The following CDS2 variants were observed in gnomAD, a reference collection of about 807,000 sequenced individuals.
CDS2 encodes the protein phosphatidate cytidylyltransferase 2.
In CDS2, 47 loss-of-function variants were observed where a neutral mutation model predicts 59.0. The observed-to-expected ratio is 0.80, with a 90% CI of 0.63 to 1.02. CDS2 has a LOEUF of 1.02. Ranked by LOEUF, CDS2 falls within the 50% of genes least tolerant of loss-of-function variation. The probability of loss-of-function intolerance (pLI) is 0.00; values close to 1 mark genes in which losing one functional copy is unlikely to be tolerated. For synonymous variants in CDS2, 207 were observed against 206.4 expected, an observed-to-expected ratio of 1.00 and a Z score of -0.02; for missense variants, 356 against 558.9, an observed-to-expected ratio of 0.64 and a Z score of 3.66.
At chr20:5,142,754 T>A (rs569574479) in intron 1 of CDS2, among the ~76,000 whole-genome samples, 9 of 152,210 alleles carry the variant, frequency 5.9e-5, no homozygotes, top group Non-Finnish European at 1.3e-4. Context: ...AAGATATTTA[T>A]AACAAATGTA....
In CDS2 at chr20:5,162,713, G is replaced by T. The variant is rs564642766; in HGVS notation, c.58-10810G>T. ...GATACCTAGGGAGAGAGTGTGGTAG[G>T]TCCAGAACTGAGCCCAGGGCCCATT... is the stretch of plus-strand genomic sequence containing the variant. On this transcript the variant is annotated intron_variant, in intron 1 of 12. Transcript: ENST00000460006. Among the ~76,000 whole-genome samples, 3 of 152,098 alleles carry T rather than the reference G, an allele frequency of 2.0e-5. No individual in the cohort carries two copies. In the South Asian group the frequency reaches 6.2e-4, roughly 32 times the overall value.
chr20:5,145,690 G>A (rs1434580625), intron 1 of CDS2, among the ~76,000 whole-genome samples: 1 of 152,118 alleles, frequency 6.6e-6, no homozygotes, highest in Admixed American at 6.5e-5. Context: ...GTCCCCTGCT[G>A]TTTCTAAGGC....
In CDS2 at chr20:5,195,207, GTTAC is replaced by G. The variant is rs2091147469; in HGVS notation, c.*4976_*4979del. 1 of 152,228 alleles carries G rather than the reference GTTAC, an allele frequency of 6.6e-6. No homozygotes were observed. Among genetic ancestry groups the G allele is most frequent in the African/African-American group, 2.4e-5 (1 of 41,410 alleles). The allele number at this position is 152,228 out of a possible 1,614,324, so 9.4% of individuals were successfully genotyped here. A position where few individuals can be genotyped will look rare whatever the true frequency, so the allele number is the denominator to read the frequency against. Reference sequence around the variant, plus strand: ...CATAGTAAGCACTCAATAAATGGTAGTTACTTTTGTTGAGCTCAGCTGGTAGTTT... The same window carrying G: ...CATAGTAAGCACTCAATAAATGGTAGTTTTGTTGAGCTCAGCTGGTAGTTT... On this transcript the variant is annotated 3_prime_UTR_variant, in exon 13 of 13. Transcript: ENST00000460006.
intron 1 of CDS2, among the ~76,000 whole-genome samples, chr20:5,152,900 C>A (rs1329490637): frequency 6.6e-6 from 1 of 152,164 alleles, no homozygotes; most frequent in Non-Finnish European, 1.5e-5. Flanking sequence ...AGTGGAGTAA[C>A]TGGAAAAGCA....
intron 1 of CDS2, among the ~76,000 whole-genome samples, chr20:5,146,346 G>A (rs1013086820): frequency 6.6e-6 from 1 of 152,188 alleles, no homozygotes; most frequent in Non-Finnish European, 1.5e-5. Flanking sequence ...GGGTGATGAA[G>A]CAGAGGAGTC....
chr20:5,148,645 A>T (rs2122987538), intron 1 of CDS2, among the ~76,000 whole-genome samples: 1 of 152,266 alleles, frequency 6.6e-6, no homozygotes, highest in East Asian at 1.9e-4. Context: ...TGGCATGTAG[A>T]TGCCCTGCAA....
intron 1 of CDS2, among the ~76,000 whole-genome samples, chr20:5,160,945 C>T (rs114950538): frequency 0.013 from 1,926 of 152,228 alleles, 50 homozygotes; most frequent in African/African-American, 0.042. Context: ...TTTGTTCATT[C>T]CTTTGTTGAT....
intron 11 of CDS2, 60 bp downstream of exon 11, chr20:5,189,246 C>T: frequency 1.2e-6 from 2 of 1,601,736 alleles, no homozygotes; most frequent in East Asian, 2.2e-5. Context: ...CTGCCTTTCT[C>T]CCCCTTCCCT....
chr20:5,137,269 A>G (rs1412723456), intron 1 of CDS2, among the ~76,000 whole-genome samples: 1 of 143,328 alleles, frequency 7.0e-6, no homozygotes, highest in African/African-American at 2.6e-5. Flanking sequence ...TTTGAGATGG[A>G]GTCTCGCCCT....
rs2091106281 is a variant in CDS2 at position 5,190,550 on chromosome 20, TG to T, written c.*318del. On this transcript the variant is annotated 3_prime_UTR_variant, in exon 13 of 13. Transcript: ENST00000460006. Reference sequence around the variant, plus strand: ...GCCCAGGTCAGGAGTGTTTTCTTGGTGGTTCCAGCCCCCATCAATTGAACTG... The same window carrying T: ...GCCCAGGTCAGGAGTGTTTTCTTGGTGTTCCAGCCCCCATCAATTGAACTG... The T allele has an allele frequency of 5.2e-6, 1 of 193,688 alleles. No homozygotes were observed. Among genetic ancestry groups the T allele is most frequent in the South Asian group, 1.5e-4 (1 of 6,644 alleles). 12.0% of individuals were successfully genotyped at this position (193,688 alleles called of 1,614,324 possible).
intron 9 of CDS2, 135 bp from the exon 10 acceptor site, chr20:5,186,552 T>C (rs570924538): frequency 2.7e-6 from 2 of 737,092 alleles, no homozygotes; most frequent in South Asian, 3.9e-5. Context: ...TGGTAAAACA[T>C]GAACCTCTGA....
chr20:5,156,060 T>A (rs2090831524), intron 1 of CDS2, among the ~76,000 whole-genome samples: 1 of 152,122 alleles, frequency 6.6e-6, no homozygotes, highest in South Asian at 2.1e-4. Context: ...AGAGCTGTGC[T>A]TTTTGAAGAT....
chr20:5,195,481 C>G lies in CDS2; in HGVS notation c.*5247C>G, dbSNP rs113318278. 6.6e-5 allele frequency: 10 copies of G among 152,446 alleles called. No individual in the cohort carries two copies. Among genetic ancestry groups the G allele is most frequent in the African/African-American group, 2.4e-4 (10 of 41,540 alleles). The allele number at this position is 152,446 out of a possible 1,614,324, so 9.4% of individuals were successfully genotyped here. A position where few individuals can be genotyped will look rare whatever the true frequency, so the allele number is the denominator to read the frequency against. On this transcript the variant is annotated 3_prime_UTR_variant, in exon 13 of 13. Transcript: ENST00000460006. ...CCAGCTCACCTCCTCTGCCCACAGT[C>G]TGGACTGCTTGTGGGAAGGCCATCT...
intron 1 of CDS2, among the ~76,000 whole-genome samples, chr20:5,143,889 C>T (rs140920326): frequency 5.3e-5 from 8 of 151,706 alleles, no homozygotes; most frequent in Non-Finnish European, 8.8e-5. Flanking sequence ...CTTAGCCTCC[C>T]GAGTAGCTGG....
intron 1 of CDS2, 59 bp downstream of exon 1, chr20:5,127,208 G>T: frequency 7.2e-7 from 1 of 1,381,014 alleles, no homozygotes; most frequent in Non-Finnish European, 9.6e-7. Context: ...GAGGCCTGCG[G>T]GGGACGCGCG....
chr20:5,154,857 A>C (rs1207701720), intron 1 of CDS2, among the ~76,000 whole-genome samples: 1 of 152,202 alleles, frequency 6.6e-6, no homozygotes, highest in African/African-American at 2.4e-5. Context: ...CATGTTGCCC[A>C]GGCTGGTCTC....
At chr20:5,182,332 A>G in intron 5 of CDS2, 55 bp from the exon 6 acceptor site, 2 of 1,513,448 alleles carry the variant, frequency 1.3e-6, no homozygotes, top group Admixed American at 3.7e-5. Flanking sequence ...AAAGGAGGGC[A>G]AAGATAAATG....
Position 5,193,507 on chromosome 20 carries a change from A to G in CDS2, c.*3273A>G, listed in dbSNP as rs1369284774. On this transcript the variant is annotated 3_prime_UTR_variant, in exon 13 of 13. Transcript: ENST00000460006. ...CCAAAAATATGTTTTAAGGGAGACTACACAGACCTTGTGATTTGGTCTGAG... is the reference window on the plus strand; with the variant it reads ...CCAAAAATATGTTTTAAGGGAGACTGCACAGACCTTGTGATTTGGTCTGAG... The G allele has an allele frequency of 6.6e-6, 1 of 152,252 alleles. No individual in the cohort carries two copies. The highest frequency in any genetic ancestry group is 2.1e-4 in the South Asian group (1 of 4,834). 9.4% of individuals were successfully genotyped at this position (152,252 alleles called of 1,614,324 possible).
rs1568540152 is a variant in CDS2, at chr20:5,173,532, T to C, written c.67T>C (p.Ser23Pro). The C allele has an allele frequency of 6.2e-7, 1 of 1,614,002 alleles. No homozygotes were observed. ...TATTTCTGCCACTTAGGAGTCAGAGTCAGAAGCAAAGGTAGATGGAGAGAC... is the reference window on the plus strand; with the variant it reads ...TATTTCTGCCACTTAGGAGTCAGAGCCAGAAGCAAAGGTAGATGGAGAGAC... ...VAPPEDKESESEAKVDGETAS... is the reference protein window; with the variant it reads ...VAPPEDKESEPEAKVDGETAS... The change falls in exon 2 of 13, where the codon TCA (serine) becomes CCA (proline). Residue 23 changes from serine to proline, a missense_variant. Ser to Pro is a moderately conservative substitution (Grantham distance 74). Transcript: ENST00000460006.
Sources: gnomAD v4.1 joint callset for allele counts (sites outside exome capture counted in the v4.1 genomes callset) on GRCh38, gnomAD v4.1.1 for gene constraint, MANE v1.5 for transcripts, NCBI Gene and HGNC (gene_info 2026-07-23, HGNC 2026-07-21) for gene names.